The following SUPT5H variants were observed in gnomAD, a reference collection of about 807,000 sequenced individuals.
SUPT5H encodes transcription elongation factor SPT5.
Under a neutral mutation model 142.5 loss-of-function variants are expected in SUPT5H, and 24 were observed. The ratio of observed to expected loss-of-function variants is 0.17; its 90% confidence interval spans 0.12 to 0.24. SUPT5H has a LOEUF of 0.24. SUPT5H is among the 10% of genes least tolerant of loss of function. SUPT5H has a pLI of 1.00. For missense variants in SUPT5H, 893 were observed against 1,471.8 expected, an observed-to-expected ratio of 0.61 and a Z score of 6.43; for synonymous variants, 546 against 553.0, an observed-to-expected ratio of 0.99 and a Z score of 0.18.
intron 3 of SUPT5H, among the ~76,000 whole-genome samples, chr19:39,455,058 G>T (rs1600700592): frequency 6.6e-6 from 1 of 152,186 alleles, no homozygotes. Context: ...GGTTAAACTT[G>T]CATGAGTGCA....
intron 8 of SUPT5H, 65 bp downstream of exon 8, chr19:39,459,314 A>T: frequency 6.5e-7 from 1 of 1,532,688 alleles, no homozygotes; most frequent in Non-Finnish European, 8.9e-7. Context: ...GATGGTGCCT[A>T]GACAGGTGGC....
intron 28 of SUPT5H, chr19:39,475,030 G>T (rs76779297): frequency 0.18 from 76,586 of 432,160 alleles, 7,568 homozygotes; most frequent in East Asian, 0.36. Context: ...AGGCCTGGAG[G>T]TGAGGGGAAC....
chr19:39,473,038 A>G lies in SUPT5H; in HGVS notation c.2182A>G (p.Thr728Ala). 1 of 1,613,796 alleles carries G rather than the reference A, an allele frequency of 6.2e-7. No homozygotes were observed. The highest frequency in any genetic ancestry group is 8.5e-7 in the Non-Finnish European group (1 of 1,179,878). Reference protein sequence around the residue: ...KGYIGVVKDATESTARVELHS... With the variant: ...KGYIGVVKDAAESTARVELHS... ...CTACATCGGTGTGGTGAAAGATGCC[A>G]CAGAGTCCACGGCCCGTGTGGAGCT... The change falls in exon 23 of 30, where the codon ACA becomes GCA. Residue 728 changes from threonine (T) to alanine (A), a missense_variant. Physicochemically the swap from Thr to Ala is moderately conservative, Grantham distance 58. Coordinates refer to ENST00000432763, the MANE Select transcript of SUPT5H (RefSeq NM_001111020.3). The surrounding 1 kb of genome is among the most constrained non-coding windows in gnomAD (Gnocchi z 5.8).
Position 39,473,581 on chromosome 19 carries a change from G to T in SUPT5H, c.2492+60G>T. On this transcript the variant is annotated intron_variant, in intron 25 of 29. Transcript: ENST00000432763. The surrounding 1 kb of genome is among the most constrained non-coding windows in gnomAD (Gnocchi z 5.8). ...TGGTGTGTGTGAGGGATGATGCTGG[G>T]TGTCTGGGGCATTGGAGGGGTTTGT... is the stretch of plus-strand genomic sequence containing the variant. 6.4e-7 allele frequency: 1 copy of T among 1,551,434 alleles called. No homozygotes were observed. Among genetic ancestry groups the T allele is most frequent in the Admixed American group, 1.8e-5 (1 of 56,200 alleles).
In SUPT5H at chr19:39,473,280, G is replaced by C; in HGVS notation, c.2336G>C (p.Gly779Ala). 6.2e-7 allele frequency: 1 copy of C among 1,613,858 alleles called. No homozygotes were observed. Among genetic ancestry groups the C allele is most frequent in the Non-Finnish European group, 8.5e-7 (1 of 1,179,962 alleles). ...TATGGCTCCCAGACGCCCATGTATG[G>C]CTCTGGCTCCCGAACACCCATGTAC... is the stretch of plus-strand genomic sequence containing the variant. ...PMYGSQTPMY[G>A]SGSRTPMYGS... The change falls in exon 24 of 30, where the codon GGC becomes GCC. Residue 779 changes from glycine to alanine, a missense_variant. Coordinates refer to ENST00000432763, the MANE Select transcript of SUPT5H (RefSeq NM_001111020.3). This position sits in a 1 kb window ranked among gnomAD's most constrained non-coding sequence, Gnocchi z 5.8.
In SUPT5H at chr19:39,473,671, A is replaced by G; in HGVS notation, c.2492+150A>G. ...GTCCCTTTGAAGGAGGAGGCATAGC[A>G]TGGCGGGGCGGGGGCAAAGCGGCCT... On this transcript the variant is annotated intron_variant, in intron 25 of 29. Transcript: ENST00000432763. This position sits in a 1 kb window ranked among gnomAD's most constrained non-coding sequence, Gnocchi z 5.8. The G allele has an allele frequency of 2.0e-6, 2 of 1,016,312 alleles. No individual in the cohort carries two copies. The highest frequency in any genetic ancestry group is 3.2e-4 in the Middle Eastern group (1 of 3,108). 63.0% of individuals were successfully genotyped at this position (1,016,312 alleles called of 1,614,324 possible). A position where few individuals can be genotyped will look rare whatever the true frequency, so the allele number is the denominator to read the frequency against.
chr19:39,471,137 C>T (rs766607094), intron 18 of SUPT5H, among the ~76,000 whole-genome samples: 20 of 152,152 alleles, frequency 1.3e-4, no homozygotes, highest in South Asian at 2.1e-4. Context: ...GTGGAGTCTC[C>T]TTCCAAAGGG....
At chr19:39,447,469 G>A (rs4802027) in intron 2 of SUPT5H, among the ~76,000 whole-genome samples, 85,349 of 131,306 alleles carry the variant, frequency 0.65, 26,395 homozygotes, top group African/African-American at 0.78. Context: ...TTTTTTTTTT[G>A]AGACAGCATC....
At chr19:39,456,664 C>T (rs1389822512) in intron 3 of SUPT5H, among the ~76,000 whole-genome samples, 2 of 151,994 alleles carry the variant, frequency 1.3e-5, no homozygotes, top group Non-Finnish European at 2.9e-5. Context: ...ATGATCCACC[C>T]GCCTCGGCCT....
At position 39,469,559 on chromosome 19, in the gene SUPT5H, C is replaced by A; in HGVS notation, c.1374+161C>A. On this transcript the variant is annotated intron_variant, in intron 16 of 29. Coordinates refer to ENST00000432763, the MANE Select transcript of SUPT5H (RefSeq NM_001111020.3). The surrounding 1 kb of genome is among the most constrained non-coding windows in gnomAD (Gnocchi z 5.1). The stretch of plus-strand genomic sequence containing the variant: ...GTGCCTGAGAGGCTCTGTCTGAGTG[C>A]AGCTCAGGGTCGGTGGGCAGCAGGC... The A allele has an allele frequency of 9.7e-7, 1 of 1,035,684 alleles. No individual in the cohort carries two copies. Among genetic ancestry groups the A allele is most frequent in the Non-Finnish European group, 1.4e-6 (1 of 711,216 alleles). 64.2% of individuals were successfully genotyped at this position (1,035,684 alleles called of 1,614,324 possible). A position where few individuals can be genotyped will look rare whatever the true frequency, so the allele number is the denominator to read the frequency against.
chr19:39,470,748 G>T lies in SUPT5H; in HGVS notation c.1677+225G>T, dbSNP rs141109712. On this transcript the variant is annotated intron_variant, in intron 18 of 29. Transcript: ENST00000432763. The surrounding 1 kb of genome is among the most constrained non-coding windows in gnomAD (Gnocchi z 5.8). ...TGGAAACGAGAGCAGCGTCTACTTTGTTCATAGTGAATGATTCCCTGAGGT... is the reference window on the plus strand; with the variant it reads ...TGGAAACGAGAGCAGCGTCTACTTTTTTCATAGTGAATGATTCCCTGAGGT... 2.0e-5 allele frequency among the ~76,000 whole-genome samples: 3 copies of T among 152,174 alleles called. No homozygotes were observed. The highest frequency in any genetic ancestry group is 4.4e-5 in the Non-Finnish European group (3 of 68,024).
chr19:39,458,250 CCACCACCA>C lies in SUPT5H; in HGVS notation c.308-42_308-35del. The C allele has an allele frequency of 7.2e-7, 1 of 1,384,768 alleles. No individual in the cohort carries two copies. The highest frequency in any genetic ancestry group is 1.0e-6 in the Non-Finnish European group (1 of 999,828). 85.8% of individuals were successfully genotyped at this position (1,384,768 alleles called of 1,614,324 possible). A position where few individuals can be genotyped will look rare whatever the true frequency, so the allele number is the denominator to read the frequency against. ...CCCTCGCCCACCACCACCACCACCA[CCACCACCA>C]CCACCACCACCACCACCTCCTCTTC... On this transcript the variant is annotated intron_variant, in intron 4 of 29. Transcript: ENST00000432763. The surrounding 1 kb of genome is among the most constrained non-coding windows in gnomAD (Gnocchi z 4.2).
intron 4 of SUPT5H, 28 bp downstream of exon 4, chr19:39,457,768 C>T: frequency 6.2e-7 from 1 of 1,613,994 alleles, no homozygotes; most frequent in East Asian, 2.2e-5. Flanking sequence ...CTCCACAAGA[C>T]TACTGGGAAG....
In SUPT5H at chr19:39,474,269, C is replaced by G. The variant is rs745483100; in HGVS notation, c.2687C>G (p.Pro896Arg). 29 of 1,613,960 alleles carry G rather than the reference C, an allele frequency of 1.8e-5. No homozygotes were observed. Among genetic ancestry groups the G allele is most frequent in the Non-Finnish European group, 2.3e-5 (27 of 1,179,998 alleles). The change falls in exon 27 of 30, where the codon CCC (proline) becomes CGC (arginine). Residue 896 changes from proline (P) to arginine (R), a missense_variant. Physicochemically the swap from Pro to Arg is moderately radical, Grantham distance 103. Transcript: ENST00000432763. The surrounding 1 kb of genome is among the most constrained non-coding windows in gnomAD (Gnocchi z 6.5). ...GACCAGTTCTCTCCCTATGCTGCCC[C>G]CTCCCCACAAGGTTCCTACCAGCCC... The part of the protein sequence containing the change: ...NTDQFSPYAA[P>R]SPQGSYQPSP...
At chr19:39,453,773 G>A (rs998428631) in intron 3 of SUPT5H, among the ~76,000 whole-genome samples, 5 of 152,088 alleles carry the variant, frequency 3.3e-5, no homozygotes, top group Non-Finnish European at 5.9e-5. Context: ...CACCTTGTTA[G>A]CCAGGGTGGT....
At chr19:39,446,726 G>A (rs2078959252) in intron 2 of SUPT5H, among the ~76,000 whole-genome samples, 1 of 152,234 alleles carries the variant, frequency 6.6e-6, no homozygotes, top group South Asian at 2.1e-4. Flanking sequence ...CATTGGCTGA[G>A]GCCGGGCTTG....
rs1440088455 is a variant in SUPT5H at position 39,474,661 on chromosome 19, G to A, written c.2967G>A (p.Arg989=). 1 of 1,613,984 alleles carries A rather than the reference G, an allele frequency of 6.2e-7. No individual in the cohort carries two copies. ...WVTTDIQVKV[R]DTYLDTQVVG... is the part of the protein sequence containing the mutation. ...CCACTGACATTCAGGTGAAGGTGCG[G>A]GACACCTACCTGGATACACAGGTGG... is the stretch of plus-strand genomic sequence containing the variant. Residue 989 remains arginine, a synonymous_variant, in exon 28 of 30, where the codon CGG becomes CGA. Transcript: ENST00000432763. This position sits in a 1 kb window ranked among gnomAD's most constrained non-coding sequence, Gnocchi z 6.5.
chr19:39,458,713 T>A lies in SUPT5H; in HGVS notation c.320-105T>A. The A allele has an allele frequency of 9.3e-7, 1 of 1,073,514 alleles. No homozygotes were observed. Among genetic ancestry groups the A allele is most frequent in the Non-Finnish European group, 1.3e-6 (1 of 745,494 alleles). 66.5% of individuals were successfully genotyped at this position (1,073,514 alleles called of 1,614,324 possible). Reference sequence around the variant, plus strand: ...TTTCCTCTGTGAGATGTCATCTTCCTGCCCCAGGGCCAAACCCTGGCCCTC... The same window carrying A: ...TTTCCTCTGTGAGATGTCATCTTCCAGCCCCAGGGCCAAACCCTGGCCCTC... On this transcript the variant is annotated intron_variant, in intron 5 of 29. Coordinates refer to ENST00000432763, the MANE Select transcript of SUPT5H (RefSeq NM_001111020.3). The surrounding 1 kb of genome is among the most constrained non-coding windows in gnomAD (Gnocchi z 4.2).
In SUPT5H at chr19:39,452,769, C is replaced by T. The variant is rs535789559; in HGVS notation, c.76-587C>T. ...CTCACACCTGTAATCCCAGCATTTT[C>T]GGAGGCAGAGGCGGATGGATCACCT... On this transcript the variant is annotated intron_variant, in intron 2 of 29. Coordinates refer to ENST00000432763, the MANE Select transcript of SUPT5H (RefSeq NM_001111020.3). 3.4e-4 allele frequency among the ~76,000 whole-genome samples: 52 copies of T among 151,904 alleles called. No individual in the cohort carries two copies. In the East Asian group the frequency reaches 9.1e-3, roughly 27 times the overall value.
Sources: allele counts gnomAD v4.1 joint callset (sites outside exome capture counted in the v4.1 genomes callset), GRCh38; gene constraint gnomAD v4.1.1; non-coding constraint Gnocchi (gnomAD v3.1); transcripts MANE v1.5; gene names NCBI Gene and HGNC (gene_info 2026-07-23, HGNC 2026-07-21).